The following CIB3 variants were observed in gnomAD, a reference collection of about 807,000 sequenced individuals.
The protein encoded by CIB3 is calcium and integrin-binding family member 3.
In CIB3, 22 loss-of-function variants were observed where a neutral mutation model predicts 23.4. The ratio of observed to expected loss-of-function variants is 0.94; its 90% CI spans 0.67 to 1.34. The LOEUF (loss-of-function observed/expected upper bound fraction) is 1.34. Ranked by LOEUF, CIB3 falls within the 40% of genes most tolerant of loss-of-function variation. CIB3 has a pLI of 0.00. For synonymous variants in CIB3, 93 were observed against 95.8 expected (o/e 0.97, Z 0.17); for missense variants, 258 against 247.3 (o/e 1.04, Z -0.29).
In CIB3 at chr19:16,164,888, A is replaced by G. The variant is rs1314248534; in HGVS notation, c.372T>C (p.Cys124=). 6 of 1,613,968 alleles carry G rather than the reference A, an allele frequency of 3.7e-6. No individual in the cohort carries two copies. Among genetic ancestry groups the G allele is most frequent in the Non-Finnish European group, 5.1e-6 (6 of 1,180,018 alleles). ...TCACCGTCTGCTCCAGGTCCCACGC[A>G]CAAATGTAGTCGTCGTTGTTAAAAT... The part of the protein sequence containing the change: ...IYDFNNDDYI[C]AWDLEQTVTK... Residue 124 remains cysteine (C), a synonymous_variant, in exon 5 of 6, where the codon TGT becomes TGC. Transcript: ENST00000269878.
intron 4 of CIB3, 109 bp from the exon 5 acceptor site, chr19:16,165,022 G>C: frequency 1.1e-6 from 1 of 919,492 alleles, no homozygotes; most frequent in Non-Finnish European, 1.7e-6. Flanking sequence ...GGTCGGGCAC[G>C]GTGGCTCACG....
intron 3 of CIB3, among the ~76,000 whole-genome samples, chr19:16,168,511 C>T (rs532745413): frequency 1.3e-5 from 2 of 152,310 alleles, no homozygotes; most frequent in East Asian, 3.9e-4. Context: ...CCATGTGACC[C>T]AGGCAAGGCC....
At chr19:16,165,194 G>A (rs984997822) in intron 4 of CIB3, among the ~76,000 whole-genome samples, 8 of 149,996 alleles carry the variant, frequency 5.3e-5, no homozygotes, top group Non-Finnish European at 8.9e-5. Context: ...TCAGGAGGCT[G>A]AGGCAGGAGA....
intron 5 of CIB3, among the ~76,000 whole-genome samples, chr19:16,162,020 T>C (rs375909570): frequency 2.6e-5 from 4 of 151,980 alleles, no homozygotes; most frequent in Non-Finnish European, 4.4e-5. Flanking sequence ...AGAAGAAGGA[T>C]ACTGAATGTT....
chr19:16,168,512 A>G (rs1217320216), intron 3 of CIB3, among the ~76,000 whole-genome samples: 1 of 152,214 alleles, frequency 6.6e-6, no homozygotes, highest in Admixed American at 6.5e-5. Context: ...CATGTGACCC[A>G]GGCAAGGCCA....
rs766582173 is a variant in CIB3, at chr19:16,164,749, T to G, written c.511A>C (p.Asn171His). The change falls in exon 5 of 6, where the codon AAC becomes CAC. Residue 171 changes from asparagine to histidine, a missense_variant. Coordinates refer to ENST00000269878, the MANE Select transcript of CIB3 (RefSeq NM_054113.4). ...DGRLSLEDFQNMILRAPDFLS... is the reference protein window; with the variant it reads ...DGRLSLEDFQHMILRAPDFLS... ...AAGTCTGGTGCCCGGAGGATCATGT[T>G]CTGGAAATCTTCCAGGGACAGCCGC... is the stretch of plus-strand genomic sequence containing the variant. The G allele has an allele frequency of 8.7e-6, 14 of 1,614,070 alleles. No individual in the cohort carries two copies. Among genetic ancestry groups the G allele is most frequent in the Non-Finnish European group, 1.2e-5 (14 of 1,180,000 alleles).
chr19:16,167,930 G>C (rs971763891), intron 4 of CIB3, among the ~76,000 whole-genome samples: 5 of 152,214 alleles, frequency 3.3e-5, no homozygotes, highest in African/African-American at 1.2e-4. Context: ...AGAGGCCGAA[G>C]ACTGTGTTTG....
intron 4 of CIB3, among the ~76,000 whole-genome samples, chr19:16,166,862 T>G (rs2091307764): frequency 6.6e-6 from 1 of 152,000 alleles, no homozygotes; most frequent in African/African-American, 2.4e-5. Context: ...GGTGGATCAC[T>G]TGAGGTTAGG....
rs1234791828 is a variant in CIB3 at position 16,165,653 on chromosome 19, G to C, written c.347-740C>G. On this transcript the variant is annotated intron_variant, in intron 4 of 5. Coordinates refer to ENST00000269878, the MANE Select transcript of CIB3 (RefSeq NM_054113.4). Reference sequence around the variant, plus strand: ...GAGATGGGATTCCCCATGTTGGCCAGGCTGGTCTCAAATTCCTGACCTCAG... The same window carrying C: ...GAGATGGGATTCCCCATGTTGGCCACGCTGGTCTCAAATTCCTGACCTCAG... Among the ~76,000 whole-genome samples, 3 of 152,068 alleles carry C rather than the reference G, an allele frequency of 2.0e-5. No individual in the cohort carries two copies. The East Asian group carries it at 5.8e-4, about 30-fold the overall frequency.
chr19:16,168,309 G>A, intron 3 of CIB3, 25 bp from the exon 4 acceptor site: 1 of 1,612,632 alleles, frequency 6.2e-7, no homozygotes, highest in South Asian at 1.1e-5. Context: ...GAAGCTGGGA[G>A]GCCATCCTCT....
At chr19:16,164,361 T>A (rs2091296752) in intron 5 of CIB3, among the ~76,000 whole-genome samples, 1 of 152,226 alleles carries the variant, frequency 6.6e-6, no homozygotes, top group Non-Finnish European at 1.5e-5. Context: ...AACCAGGCTT[T>A]GGGTCAGACT....
intron 5 of CIB3, among the ~76,000 whole-genome samples, chr19:16,161,856 T>G (rs990557829): frequency 1.2e-4 from 18 of 151,760 alleles, no homozygotes; most frequent in African/African-American, 4.3e-4. Context: ...TTTTCTATTT[T>G]CAGTAGAAAC....
Position 16,168,222 on chromosome 19 carries a change from G to A in CIB3, c.261C>T (p.Thr87=), listed in dbSNP as rs374981087. ...VFSEDGDGHM[T]LDNFLDMFSV... ...AAAACATGTCCAAAAAGTTGTCCAGGGTCATGTGGCCATCCCCATCCTCAG... is the reference window on the plus strand; with the variant it reads ...AAAACATGTCCAAAAAGTTGTCCAGAGTCATGTGGCCATCCCCATCCTCAG... The change falls in exon 4 of 6, where the codon ACC becomes ACT. Residue 87 remains threonine (T), a synonymous_variant. Transcript: ENST00000269878. The A allele has an allele frequency of 6.1e-5, 98 of 1,613,528 alleles. No homozygotes were observed. Among genetic ancestry groups the A allele is most frequent in the Non-Finnish European group, 8.1e-5 (95 of 1,179,890 alleles).
intron 2 of CIB3, among the ~76,000 whole-genome samples, chr19:16,171,837 T>G (rs959500200): frequency 1.3e-5 from 2 of 152,216 alleles, no homozygotes; most frequent in African/African-American, 2.4e-5. Context: ...GTAAAAGGTG[T>G]GGCCATCAAT....
At chr19:16,167,969 T>G (rs1031165965) in intron 4 of CIB3, among the ~76,000 whole-genome samples, 168 bp downstream of exon 4, 1 of 152,068 alleles carries the variant, frequency 6.6e-6, no homozygotes, top group Non-Finnish European at 1.5e-5. Flanking sequence ...GTGGCTGGAA[T>G]AGAGTTAGCA....
Position 16,169,625 on chromosome 19 carries a change from C to T in CIB3, c.198+5G>A, listed in dbSNP as rs753700430. The stretch of plus-strand genomic sequence containing the variant: ...TACCCTGTTTGTCCCATGGCCTGGG[C>T]ATACCTTCAGCTCGGGCATGCTGCC... On this transcript the variant is annotated splice_donor_5th_base_variant and intron_variant, in intron 3 of 5. Coordinates refer to ENST00000269878, the MANE Select transcript of CIB3 (RefSeq NM_054113.4). The T allele has an allele frequency of 2.2e-5, 36 of 1,611,842 alleles. No homozygotes were observed. The highest frequency in any genetic ancestry group is 3.1e-5 in the Non-Finnish European group (36 of 1,178,780).
intron 4 of CIB3, among the ~76,000 whole-genome samples, chr19:16,167,560 G>A (rs181839391): frequency 7.2e-5 from 11 of 152,224 alleles, no homozygotes; most frequent in South Asian, 2.1e-4. Context: ...AGCTGGGTGC[G>A]GTGGCTCACG....
chr19:16,168,071 C>G (rs1325447798), intron 4 of CIB3, 66 bp downstream of exon 4: 5 of 1,517,682 alleles, frequency 3.3e-6, no homozygotes, highest in Non-Finnish European at 4.5e-6. Flanking sequence ...GATGTGGGTG[C>G]CACCCACCCA....
At chr19:16,170,327 T>C (rs1451580572) in intron 2 of CIB3, among the ~76,000 whole-genome samples, 1 of 152,020 alleles carries the variant, frequency 6.6e-6, no homozygotes, top group Non-Finnish European at 1.5e-5. Context: ...AGAGGGGACA[T>C]TGGTTCTGGG....
Sources: gnomAD v4.1 joint callset for allele counts (sites outside exome capture counted in the v4.1 genomes callset) on GRCh38, gnomAD v4.1.1 for gene constraint, MANE v1.5 for transcripts, NCBI Gene and HGNC (gene_info 2026-07-23, HGNC 2026-07-21) for gene names.